CLMP: variants seen among roughly 807,000 people sequenced by gnomAD.
CLMP encodes CXADR-like membrane protein.
A neutral mutation model predicts 45.2 loss-of-function variants in CLMP; 27 were observed. The ratio of observed to expected loss-of-function variants is 0.60; its 90% confidence interval spans 0.44 to 0.82. The LOEUF (loss-of-function observed/expected upper bound fraction) is 0.82, where lower values mean the gene tolerates loss of function less well. Ranked by LOEUF, CLMP falls within the 40% of genes least tolerant of loss-of-function variation. The pLI, the probability that CLMP is intolerant of heterozygous loss-of-function variation, is 0.00. For missense variants in CLMP, 403 were observed against 448.4 expected (o/e 0.90, Z 0.91); for synonymous variants, 167 against 171.4 (o/e 0.97, Z 0.20).
chr11:123,081,554 T>C (rs1156693490), intron 5 of CLMP, among the ~76,000 whole-genome samples: 2 of 152,180 alleles, frequency 1.3e-5, no homozygotes, highest in East Asian at 3.9e-4. Flanking sequence ...TAAGTAAATG[T>C]GTTCATTTAC....
Position 123,184,578 on chromosome 11 carries a change from G to T in CLMP, c.28+10335C>A, listed in dbSNP as rs1271245577. Among the ~76,000 whole-genome samples the T allele has an allele frequency of 4.6e-5, 7 of 152,262 alleles. No homozygotes were observed. The East Asian group carries it at 1.4e-3, about 29-fold the overall frequency. ...CCTTAAACTCCATGCACCACGGAAG[G>T]AGCTCCTGAATTGGCTCAGAGCCCA... On this transcript the variant is annotated intron_variant, in intron 1 of 6. Transcript: ENST00000448775.
At chr11:123,140,668 C>T (rs1052087629) in intron 1 of CLMP, among the ~76,000 whole-genome samples, 30 of 152,220 alleles carry the variant, frequency 2.0e-4, no homozygotes, top group African/African-American at 7.2e-4. Context: ...TCAGCACTAC[C>T]GACTTTTCTG....
chr11:123,084,575 A>G lies in CLMP; in HGVS notation c.325T>C (p.Tyr109His), dbSNP rs1865842435. ...EPLKPSDEGRYTCKVKNSGRY... is the reference protein window; with the variant it reads ...EPLKPSDEGRHTCKVKNSGRY... ...CCTGAATTCTTAACCTTACAGGTGT[A>G]CCGGCCCTCATCACTGGGCTTCAGA... Residue 109 changes from tyrosine (Y) to histidine (H), a missense_variant, in exon 3 of 7, where the codon TAC (tyrosine) becomes CAC (histidine). Tyr to His is a moderately conservative substitution (Grantham distance 83, BLOSUM62 2). Transcript: ENST00000448775. The G allele has an allele frequency of 1.2e-6, 2 of 1,614,104 alleles. No individual in the cohort carries two copies. The highest frequency in any genetic ancestry group is 1.7e-6 in the Non-Finnish European group (2 of 1,180,048).
intron 1 of CLMP, among the ~76,000 whole-genome samples, chr11:123,118,616 G>C (rs1487685392): frequency 1.3e-5 from 2 of 152,110 alleles, no homozygotes; most frequent in African/African-American, 2.4e-5. Context: ...CAGATAAATG[G>C]ACTAACCCAG....
chr11:123,148,638 C>T (rs1163073905), intron 1 of CLMP, among the ~76,000 whole-genome samples: 1 of 152,136 alleles, frequency 6.6e-6, no homozygotes, highest in Non-Finnish European at 1.5e-5. Context: ...GACTTCAGAC[C>T]TTCTAAGAGA....
chr11:123,177,454 G>A (rs7929006), intron 1 of CLMP, among the ~76,000 whole-genome samples: 6 of 151,922 alleles, frequency 3.9e-5, no homozygotes, highest in African/African-American at 1.2e-4. Flanking sequence ...TTACATTTAC[G>A]TCATCTTTCA....
chr11:123,131,715 G>C (rs1860992013), intron 1 of CLMP, among the ~76,000 whole-genome samples: 1 of 151,818 alleles, frequency 6.6e-6, no homozygotes, highest in Non-Finnish European at 1.5e-5. Flanking sequence ...TCCCGGGTTT[G>C]AGTGATTCTC....
intron 1 of CLMP, among the ~76,000 whole-genome samples, chr11:123,184,427 T>A (rs1346821836): frequency 6.6e-6 from 1 of 152,196 alleles, no homozygotes; most frequent in African/African-American, 2.4e-5. Context: ...ACCAAAATTT[T>A]CTGTGCTCAT....
chr11:123,121,881 C>T (rs547900795), intron 1 of CLMP, among the ~76,000 whole-genome samples: 1 of 152,248 alleles, frequency 6.6e-6, no homozygotes, highest in East Asian at 1.9e-4. Flanking sequence ...CTGGTACTGA[C>T]TACAGGCACG....
In CLMP at chr11:123,071,721, C is replaced by G. The variant is rs887239247; in HGVS notation, c.*1753G>C. The G allele has an allele frequency of 4.0e-5, 6 of 151,342 alleles. No homozygotes were observed. Among genetic ancestry groups the G allele is most frequent in the Non-Finnish European group, 8.8e-5 (6 of 67,918 alleles). 9.4% of individuals were successfully genotyped at this position (151,342 alleles called of 1,614,324 possible). On this transcript the variant is annotated 3_prime_UTR_variant, in exon 7 of 7. Transcript: ENST00000448775. Reference sequence around the variant, plus strand: ...CCTGGGCAACAGAGCGAGACTTCGTCTCAAAAAAAAAAAAGTTTTCTACTC... The same window carrying G: ...CCTGGGCAACAGAGCGAGACTTCGTGTCAAAAAAAAAAAAGTTTTCTACTC...
chr11:123,101,296 G>A (rs374245179), intron 1 of CLMP, among the ~76,000 whole-genome samples: 47 of 152,194 alleles, frequency 3.1e-4, no homozygotes, highest in African/African-American at 1.1e-3. Context: ...TAATAGAGAC[G>A]GGGCTTCACC....
intron 5 of CLMP, among the ~76,000 whole-genome samples, chr11:123,077,968 G>T (rs1337430797): frequency 2.0e-5 from 3 of 152,090 alleles, no homozygotes. Context: ...TCAGCTGGGT[G>T]TGGTGTGCAG....
chr11:123,146,125 A>G lies in CLMP; in HGVS notation c.29-48173T>C, dbSNP rs572882516. Among the ~76,000 whole-genome samples, 10 of 152,338 alleles carry G rather than the reference A, an allele frequency of 6.6e-5. No homozygotes were observed. The East Asian group carries it at 1.4e-3, about 21-fold the overall frequency. On this transcript the variant is annotated intron_variant, in intron 1 of 6. Coordinates refer to ENST00000448775, the MANE Select transcript of CLMP (RefSeq NM_024769.5). ...AGATCAAGTAACTTGCATCTAGGTA[A>G]GCTGCAGAACCAAGATGCTGGCACA...
At chr11:123,168,219 G>A (rs1358434807) in intron 1 of CLMP, among the ~76,000 whole-genome samples, 3 of 125,282 alleles carry the variant, frequency 2.4e-5, no homozygotes, top group African/African-American at 9.3e-5. Context: ...TGGTACCTAT[G>A]CTTTTTCCAC....
rs1565373405 is a variant in CLMP, at chr11:123,070,863, A to G, written c.*2611T>C. On this transcript the variant is annotated 3_prime_UTR_variant, in exon 7 of 7. Transcript: ENST00000448775. ...GCAGACATTTATATGTTAATTCCTC[A>G]ATGTCTCATTTCCCACCTTTTTTAG... 6.6e-6 allele frequency: 1 copy of G among 152,222 alleles called. No individual in the cohort carries two copies. The highest frequency in any genetic ancestry group is 1.5e-5 in the Non-Finnish European group (1 of 68,042). The allele number at this position is 152,222 out of a possible 1,614,324, so 9.4% of individuals were successfully genotyped here.
At chr11:123,106,143 C>CTTTTTTTTTTTTTT (rs113019577) in intron 1 of CLMP, among the ~76,000 whole-genome samples, 1 of 151,310 alleles carries the variant, frequency 6.6e-6, no homozygotes. Context: ...TGATTTTATT[C>CTTTTTTTTTTTTTT]TATTTTTTTT....
At position 123,170,227 on chromosome 11, in the gene CLMP, A is replaced by G. The variant is rs140385518; in HGVS notation, c.28+24686T>C. Among the ~76,000 whole-genome samples, 880 of 152,222 alleles carry G rather than the reference A, an allele frequency of 5.8e-3. 11 individuals are homozygous for G. Among genetic ancestry groups the G allele is most frequent in the African/African-American group, 0.02 (846 of 41,524 alleles). On this transcript the variant is annotated intron_variant, in intron 1 of 6. Coordinates refer to ENST00000448775, the MANE Select transcript of CLMP (RefSeq NM_024769.5). Reference sequence around the variant, plus strand: ...CATTTCCTTCCTTATTTGTTATGTGATGTGCCCGAGTCAGGTTGGAAAGCA... The same window carrying G: ...CATTTCCTTCCTTATTTGTTATGTGGTGTGCCCGAGTCAGGTTGGAAAGCA...
At chr11:123,107,018 CAAAAAAAAA>C (rs1244006146) in intron 1 of CLMP, among the ~76,000 whole-genome samples, 1 of 126,694 alleles carries the variant, frequency 7.9e-6, no homozygotes, top group Non-Finnish European at 1.7e-5. Context: ...GACTCCGTCT[CAAAAAAAAA>C]AAAAAATAAT....
chr11:123,175,479 T>C (rs1287485440), intron 1 of CLMP, among the ~76,000 whole-genome samples: 4 of 151,532 alleles, frequency 2.6e-5, no homozygotes, highest in African/African-American at 4.9e-5. Context: ...GGATTACAAA[T>C]TGAGATGAGA....
Sources: allele counts gnomAD v4.1 joint callset (sites outside exome capture counted in the v4.1 genomes callset), GRCh38; gene constraint gnomAD v4.1.1; transcripts MANE v1.5; gene names NCBI Gene and HGNC (gene_info 2026-07-23, HGNC 2026-07-21).